The following GPC5 variants were observed in gnomAD, a reference collection of about 807,000 sequenced individuals.
GPC5 encodes glypican 5, also known as glypican-5.
Under a neutral mutation model 53.9 loss-of-function variants are expected in GPC5, and 47 were observed. That is an observed-to-expected ratio of 0.87 (90% CI 0.69 to 1.11). GPC5 has a LOEUF of 1.11. GPC5 is among the 50% of genes most tolerant of loss of function. GPC5 has a pLI of 0.00. For missense variants in GPC5, 748 were observed against 713.1 expected, an observed-to-expected ratio of 1.05 and a Z score of -0.56; for synonymous variants, 286 against 263.3, an observed-to-expected ratio of 1.09 and a Z score of -0.84.
At chr13:91,856,387 A>G (rs974168453) in intron 5 of GPC5, among the ~76,000 whole-genome samples, 2 of 151,518 alleles carry the variant, frequency 1.3e-5, no homozygotes, top group Admixed American at 6.6e-5. Context: ...TAATTTTGTA[A>G]GAAACTGGAT....
chr13:92,858,288 A>G (rs1018395301), intron 7 of GPC5, among the ~76,000 whole-genome samples: 1 of 152,158 alleles, frequency 6.6e-6, no homozygotes, highest in Non-Finnish European at 1.5e-5. Flanking sequence ...TATAAAGGGC[A>G]GTTCCCCTGC....
intron 6 of GPC5, among the ~76,000 whole-genome samples, chr13:92,132,571 C>A (rs906437705): frequency 1.3e-5 from 2 of 152,116 alleles, no homozygotes; most frequent in African/African-American, 4.8e-5. Flanking sequence ...CAGTCTCTGA[C>A]TACACGTGGC....
At chr13:92,200,198 C>CAT (rs5805737) in intron 7 of GPC5, among the ~76,000 whole-genome samples, 125,198 of 151,876 alleles carry the variant, frequency 0.82, 51,796 homozygotes, top group East Asian at 0.99. Context: ...ATTTTTCTCA[C>CAT]GTTTTCTTTT....
At chr13:92,639,972 TTC>T (rs1235990311) in intron 7 of GPC5, among the ~76,000 whole-genome samples, 20 of 148,448 alleles carry the variant, frequency 1.3e-4, no homozygotes, top group Non-Finnish European at 1.5e-4. Flanking sequence ...ATTTTTTTTT[TTC>T]TCTCTCTCTC....
At chr13:91,483,613 C>G (rs1883425742) in intron 2 of GPC5, among the ~76,000 whole-genome samples, 1 of 152,134 alleles carries the variant, frequency 6.6e-6, no homozygotes, top group Non-Finnish European at 1.5e-5. Context: ...ACTGACATTT[C>G]TGACCTAGAG....
At chr13:91,465,479 G>A (rs974682142) in intron 2 of GPC5, among the ~76,000 whole-genome samples, 6 of 151,694 alleles carry the variant, frequency 4.0e-5, no homozygotes, top group Admixed American at 6.6e-5. Context: ...TCATCTAATC[G>A]CAAATTGGAG....
chr13:91,582,057 G>A (rs2032383011), intron 2 of GPC5, among the ~76,000 whole-genome samples: 1 of 152,120 alleles, frequency 6.6e-6, no homozygotes, highest in Non-Finnish European at 1.5e-5. Context: ...CAAGTGAGAA[G>A]TTTGCCTTGG....
intron 7 of GPC5, among the ~76,000 whole-genome samples, chr13:92,510,980 A>G (rs1880542515): frequency 6.6e-6 from 1 of 152,226 alleles, no homozygotes; most frequent in African/African-American, 2.4e-5. Flanking sequence ...ACATTAAAGT[A>G]GATCATTCCC....
At chr13:91,883,854 G>T (rs1162738984) in intron 5 of GPC5, among the ~76,000 whole-genome samples, 1 of 151,988 alleles carries the variant, frequency 6.6e-6, no homozygotes, top group African/African-American at 2.4e-5. Context: ...CTCGTGTCAT[G>T]GGGGTTTGTT....
intron 7 of GPC5, among the ~76,000 whole-genome samples, chr13:92,495,625 C>CTTTT (rs71123409): frequency 6.8e-6 from 1 of 147,002 alleles, no homozygotes. Context: ...TTTAAGGAGA[C>CTTTT]TTTTTTTTTT....
chr13:91,587,190 A>G (rs1054044733), intron 2 of GPC5, among the ~76,000 whole-genome samples: 1 of 152,116 alleles, frequency 6.6e-6, no homozygotes, highest in Non-Finnish European at 1.5e-5. Flanking sequence ...TTGGAAATTT[A>G]TGTTTTAGGC....
At chr13:91,593,149 A>C (rs1165547694) in intron 2 of GPC5, among the ~76,000 whole-genome samples, 1 of 152,168 alleles carries the variant, frequency 6.6e-6, no homozygotes, top group African/African-American at 2.4e-5. Context: ...GAGCAGCCCC[A>C]CATTTCCTTA....
At chr13:92,303,696 C>G (rs760477669) in intron 7 of GPC5, among the ~76,000 whole-genome samples, 33 of 152,226 alleles carry the variant, frequency 2.2e-4, no homozygotes, top group Non-Finnish European at 3.7e-4. Context: ...GGATGTGAAG[C>G]CTTACCAAGG....
chr13:92,168,965 G>A (rs917968569), intron 7 of GPC5, among the ~76,000 whole-genome samples: 2 of 152,210 alleles, frequency 1.3e-5, no homozygotes, highest in African/African-American at 4.8e-5. Context: ...TAAAGAAAAT[G>A]TGGTACATAT....
At chr13:91,583,647 T>C (rs1488399794) in intron 2 of GPC5, among the ~76,000 whole-genome samples, 1 of 152,122 alleles carries the variant, frequency 6.6e-6, no homozygotes, top group East Asian at 1.9e-4. Flanking sequence ...TCAAAATGTA[T>C]ATGTTAATGA....
At chr13:92,643,906 A>T (rs1368667027) in intron 7 of GPC5, among the ~76,000 whole-genome samples, 4 of 152,200 alleles carry the variant, frequency 2.6e-5, no homozygotes, top group African/African-American at 9.6e-5. Flanking sequence ...CACATAGCAT[A>T]TGTAAGAATT....
At chr13:91,730,865 A>G (rs904192453) in intron 4 of GPC5, among the ~76,000 whole-genome samples, 1 of 152,196 alleles carries the variant, frequency 6.6e-6, no homozygotes, top group Admixed American at 6.5e-5. Context: ...TTCCTTTTAT[A>G]TAAGAAGAAT....
At position 92,004,458 on chromosome 13, in the gene GPC5, T is replaced by A. The variant is rs909327485; in HGVS notation, c.1401+96401T>A. Among the ~76,000 whole-genome samples the A allele has an allele frequency of 5.3e-3, 439 of 82,478 alleles. 10 individuals carry two copies. Among genetic ancestry groups the A allele is most frequent in the African/African-American group, 0.025 (426 of 17,202 alleles). 54.1% of individuals were successfully genotyped at this position (82,478 alleles called of 152,430 possible). ...GACTCCGTCTCAAAAAAAAAAAAAA[T>A]TATATATATATATATATATATATAT... On this transcript the variant is annotated intron_variant, in intron 6 of 7. Transcript: ENST00000377067.
At chr13:91,722,737 A>G (rs1390994434) in intron 3 of GPC5, among the ~76,000 whole-genome samples, 2 of 152,206 alleles carry the variant, frequency 1.3e-5, no homozygotes, top group Non-Finnish European at 2.9e-5. Flanking sequence ...GAAAGGATCC[A>G]TGCCTCCAAG....
Sources: gnomAD v4.1 joint callset for allele counts (sites outside exome capture counted in the v4.1 genomes callset) on GRCh38, gnomAD v4.1.1 for gene constraint, MANE v1.5 for transcripts, NCBI Gene and HGNC (gene_info 2026-07-23, HGNC 2026-07-21) for gene names.